The following RAB40B variants were observed in gnomAD, a reference collection of about 807,000 sequenced individuals.
RAB40B encodes the protein ras-related protein Rab-40B.
A neutral mutation model predicts 24.0 loss-of-function variants in RAB40B; 21 were observed. The observed-to-expected ratio is 0.88, with a 90% CI of 0.62 to 1.26. The LOEUF (loss-of-function observed/expected upper bound fraction) is 1.26. Among genes scored for constraint, RAB40B ranks in the 50% most tolerant of loss-of-function variants. RAB40B has a pLI of 0.00. For missense variants in RAB40B, 348 were observed against 390.5 expected, an observed-to-expected ratio of 0.89 and a Z score of 0.92; for synonymous variants, 167 against 169.8, an observed-to-expected ratio of 0.98 and a Z score of 0.13.
Position 82,667,978 on chromosome 17 carries a change from G to A in RAB40B, c.143-3422C>T, listed in dbSNP as rs920103362. On this transcript the variant is annotated intron_variant, in intron 1 of 5. Transcript: ENST00000571995. This position sits in a 1 kb window ranked among gnomAD's most constrained non-coding sequence, Gnocchi z 4.3. ...GGGGCCTTTGGGATGTTGCTCTTCC[G>A]GCTGGAAACCTCTGTGGCTGCTGAA... Among the ~76,000 whole-genome samples, 21 of 152,118 alleles carry A rather than the reference G, an allele frequency of 1.4e-4. No individual in the cohort carries two copies. The highest frequency in any genetic ancestry group is 2.1e-4 in the Non-Finnish European group (14 of 68,012).
intron 3 of RAB40B, among the ~76,000 whole-genome samples, chr17:82,660,358 C>G (rs545678296): frequency 1.3e-5 from 2 of 152,230 alleles, no homozygotes; most frequent in Admixed American, 6.5e-5. Flanking sequence ...CGTGTACACA[C>G]ACACACGCAC....
Position 82,698,450 on chromosome 17 carries a change from C to A in RAB40B, c.142+5G>T, listed in dbSNP as rs1021539609. On this transcript the variant is annotated splice_donor_5th_base_variant and intron_variant, in intron 1 of 5. Coordinates refer to ENST00000571995, the MANE Select transcript of RAB40B (RefSeq NM_006822.3). ...CACCCCGGCACGCCCTCCGCCCGCG[C>A]TCACCCGCCGGGTGGCCGTACGGGG... is the stretch of plus-strand genomic sequence containing the variant. 6.9e-7 allele frequency: 1 copy of A among 1,445,492 alleles called. No individual in the cohort carries two copies. Among genetic ancestry groups the A allele is most frequent in the Non-Finnish European group, 9.2e-7 (1 of 1,086,504 alleles). The allele number at this position is 1,445,492 out of a possible 1,614,324, so 89.5% of individuals were successfully genotyped here. A position where few individuals can be genotyped will look rare whatever the true frequency, so the allele number is the denominator to read the frequency against.
Position 82,663,238 on chromosome 17 carries a change from G to A in RAB40B, c.203+1258C>T, listed in dbSNP as rs751669671. ...TCCCCAGGACTGGCCACTACTAGACGGGGCAGGCGTAGGAAGGGGACAGGT... is the reference window on the plus strand; with the variant it reads ...TCCCCAGGACTGGCCACTACTAGACAGGGCAGGCGTAGGAAGGGGACAGGT... On this transcript the variant is annotated intron_variant, in intron 2 of 5. Coordinates refer to ENST00000571995, the MANE Select transcript of RAB40B (RefSeq NM_006822.3). This position sits in a 1 kb window ranked among gnomAD's most constrained non-coding sequence, Gnocchi z 6.2. 6.6e-6 allele frequency among the ~76,000 whole-genome samples: 1 copy of A among 152,162 alleles called. No homozygotes were observed. Among genetic ancestry groups the A allele is most frequent in the African/African-American group, 2.4e-5 (1 of 41,418 alleles).
At chr17:82,683,019 T>C (rs1403173242) in intron 1 of RAB40B, among the ~76,000 whole-genome samples, 1 of 152,190 alleles carries the variant, frequency 6.6e-6, no homozygotes, top group East Asian at 1.9e-4. Flanking sequence ...GGCACACGCC[T>C]GTAATCCCAG....
At position 82,667,151 on chromosome 17, in the gene RAB40B, C is replaced by T. The variant is rs563547072; in HGVS notation, c.143-2595G>A. On this transcript the variant is annotated intron_variant, in intron 1 of 5. Coordinates refer to ENST00000571995, the MANE Select transcript of RAB40B (RefSeq NM_006822.3). This position sits in a 1 kb window ranked among gnomAD's most constrained non-coding sequence, Gnocchi z 4.3. The stretch of plus-strand genomic sequence containing the variant: ...TAAAAATGCGAGGCTGCGGAGGCCA[C>T]GGTTCTCAAGCAGCTTCTGCCCCCT... Among the ~76,000 whole-genome samples, 3 of 152,326 alleles carry T rather than the reference C, an allele frequency of 2.0e-5. No individual in the cohort carries two copies. Among genetic ancestry groups the T allele is most frequent in the South Asian group, 2.1e-4 (1 of 4,822 alleles).
chr17:82,662,013 C>G (rs1474265954), intron 2 of RAB40B: 1 of 985,252 alleles, frequency 1.0e-6, no homozygotes, highest in African/African-American at 1.7e-5. Context: ...GCACATGCAA[C>G]GAACACACCT....
intron 2 of RAB40B, chr17:82,662,549 C>A (rs1370923254): frequency 1.0e-6 from 1 of 985,140 alleles, no homozygotes; most frequent in African/African-American, 1.7e-5. Context: ...TGGGGGCAGG[C>A]AGAAGACCCA....
intron 1 of RAB40B, chr17:82,696,469 T>G (rs1478059239): frequency 3.2e-5 from 5 of 154,696 alleles, no homozygotes; most frequent in Admixed American, 2.6e-4. Context: ...CGTCTGGGCG[T>G]ACACGTTGTT....
chr17:82,664,443 C>T, intron 2 of RAB40B, 53 bp downstream of exon 2: 2 of 1,583,328 alleles, frequency 1.3e-6, no homozygotes, highest in East Asian at 2.2e-5. Context: ...CTATGCCAGC[C>T]AGGGGGGTTA....
rs113616220 is a variant in RAB40B at position 82,691,718 on chromosome 17, A to C, written c.142+6737T>G. On this transcript the variant is annotated intron_variant, in intron 1 of 5. Transcript: ENST00000571995. ...ACAAAAAAATGGGCAAAAGGCAGAA[A>C]ACTCAGCACTCAGAGAAGGGACACA... 1.2e-3 allele frequency among the ~76,000 whole-genome samples: 188 copies of C among 152,240 alleles called. 1 individual carries two copies. The Middle Eastern group carries it at 0.017, about 14-fold the overall frequency.
intron 1 of RAB40B, among the ~76,000 whole-genome samples, chr17:82,677,898 C>T (rs1262696185): frequency 1.3e-5 from 2 of 152,236 alleles, no homozygotes; most frequent in Non-Finnish European, 2.9e-5. Context: ...GGACACTGGG[C>T]CCAGCGAGCA....
At chr17:82,658,349 C>T (rs544604470) in intron 5 of RAB40B, 142 bp downstream of exon 5, 1 of 1,118,534 alleles carries the variant, frequency 8.9e-7, no homozygotes, top group South Asian at 1.5e-5. Flanking sequence ...GTAGTCATTA[C>T]TTCTCTCAAA....
intron 1 of RAB40B, among the ~76,000 whole-genome samples, chr17:82,689,265 C>A (rs147917424): frequency 6.6e-6 from 1 of 152,236 alleles, no homozygotes; most frequent in Non-Finnish European, 1.5e-5. Flanking sequence ...GGCAGGACTG[C>A]GGGTCTGCCT....
chr17:82,669,586 G>C (rs2046306514), intron 1 of RAB40B, among the ~76,000 whole-genome samples: 1 of 152,212 alleles, frequency 6.6e-6, no homozygotes, highest in African/African-American at 2.4e-5. Context: ...CCGGGAGTTG[G>C]AGACTGCAGT....
rs531060127 is a variant in RAB40B at position 82,663,547 on chromosome 17, G to A, written c.203+949C>T. Among the ~76,000 whole-genome samples, 3 of 152,216 alleles carry A rather than the reference G, an allele frequency of 2.0e-5. No homozygotes were observed. In the South Asian group the frequency reaches 6.2e-4, roughly 32 times the overall value. Reference sequence around the variant, plus strand: ...TGGGGGTGCTGGGGGAGGGAGAGGTGCCCCGGGCTTGCCCCAAGGTGAGGA... The same window carrying A: ...TGGGGGTGCTGGGGGAGGGAGAGGTACCCCGGGCTTGCCCCAAGGTGAGGA... On this transcript the variant is annotated intron_variant, in intron 2 of 5. Transcript: ENST00000571995. This position sits in a 1 kb window ranked among gnomAD's most constrained non-coding sequence, Gnocchi z 6.2.
rs972652895 is a variant in RAB40B at position 82,667,256 on chromosome 17, G to C, written c.143-2700C>G. Among the ~76,000 whole-genome samples the C allele has an allele frequency of 6.6e-6, 1 of 152,272 alleles. No homozygotes were observed. The highest frequency in any genetic ancestry group is 1.5e-5 in the Non-Finnish European group (1 of 68,048). On this transcript the variant is annotated intron_variant, in intron 1 of 5. Coordinates refer to ENST00000571995, the MANE Select transcript of RAB40B (RefSeq NM_006822.3). This position sits in a 1 kb window ranked among gnomAD's most constrained non-coding sequence, Gnocchi z 4.3. ...CAGTGTGCCGAGTTCCTGGTCTCCT[G>C]TCGGGCAGAGCGAGGTGTGCAGTGG...
chr17:82,664,359 G>GGT, intron 2 of RAB40B, 137 bp downstream of exon 2: 2 of 770,886 alleles, frequency 2.6e-6, no homozygotes, highest in Non-Finnish European at 4.2e-6. Flanking sequence ...GTGGTGGGAG[G>GGT]GTGTTCCCGG....
rs1296564652 is a variant in RAB40B, at chr17:82,698,608, G to C, written c.-12C>G. 2.1e-6 allele frequency: 3 copies of C among 1,440,534 alleles called. No homozygotes were observed. Among genetic ancestry groups the C allele is most frequent in the East Asian group, 6.2e-5 (2 of 32,060 alleles). 89.2% of individuals were successfully genotyped at this position (1,440,534 alleles called of 1,614,324 possible). ...CCCAGGGCGCTCATCGTGACGGCCC[G>C]GCGCCCCCACCCATGCCCGGCCTGC... On this transcript the variant is annotated 5_prime_UTR_variant, in exon 1 of 6. Coordinates refer to ENST00000571995, the MANE Select transcript of RAB40B (RefSeq NM_006822.3).
Position 82,657,983 on chromosome 17 carries a change from A to G in RAB40B, c.717T>C (p.Gly239=). The G allele has an allele frequency of 6.2e-7, 1 of 1,613,946 alleles. No individual in the cohort carries two copies. The highest frequency in any genetic ancestry group is 8.5e-7 in the Non-Finnish European group (1 of 1,179,976). The change falls in exon 6 of 6, where the codon GGT becomes GGC. Residue 239 remains glycine (G), a synonymous_variant. Transcript: ENST00000571995. The stretch of plus-strand genomic sequence containing the variant: ...TGGAGCTGGTGGTGAGGGAGTAGGA[A>G]CCGCCGTGCATCATCCTGGCATTCA... The part of the protein sequence containing the change: ...NGLNARMMHG[G]SYSLTTSSTH...
Sources: gnomAD v4.1 joint callset for allele counts (sites outside exome capture counted in the v4.1 genomes callset) on GRCh38, gnomAD v4.1.1 for gene constraint, Gnocchi (gnomAD v3.1) non-coding constraint, MANE v1.5 for transcripts, NCBI Gene and HGNC (gene_info 2026-07-23, HGNC 2026-07-21) for gene names.